Variants in OR2S2 observed in about 807,000 individuals in gnomAD.
OR2S2 encodes olfactory receptor family 2 subfamily S member 2, also known as olfactory receptor 2S2.
For synonymous variants in OR2S2, 153 were observed against 159.3 expected, an observed-to-expected ratio of 0.96 and a Z score of 0.30; for missense variants, 365 against 389.5, an observed-to-expected ratio of 0.94 and a Z score of 0.53.
rs150652487 is a variant in OR2S2, at chr9:35,957,291, C to T, written c.808G>A (p.Gly270Arg). 322 of 1,614,108 alleles carry T rather than the reference C, an allele frequency of 2.0e-4. No homozygotes were observed. In the African/African-American group the frequency reaches 2.9e-3, roughly 14 times the overall value. ...YGKPKSKDSM[G>R]ADKEDLSDKL... is the part of the protein sequence containing the mutation. ...TCTGAAAGATCCTCTTTGTCTGCTC[C>T]CATGGAGTCCTTAGACTTAGGCTTC... The change falls in exon 1 of 1, where the codon GGA (glycine) becomes AGA (arginine). Residue 270 changes from glycine (G) to arginine (R), a missense_variant. Physicochemically the swap from Gly to Arg is moderately radical, Grantham distance 125. Coordinates refer to ENST00000341959, the MANE Select transcript of OR2S2 (RefSeq NM_019897.2).
At position 35,957,480 on chromosome 9, in the gene OR2S2, A is replaced by C. The variant is rs1833569061; in HGVS notation, c.619T>G (p.Phe207Val). The C allele has an allele frequency of 6.2e-7, 1 of 1,614,202 alleles. No homozygotes were observed. Among genetic ancestry groups the C allele is most frequent in the Non-Finnish European group, 8.5e-7 (1 of 1,180,030 alleles). ...ATGAACAGAACCGGGACTCCTAGGA[A>C]GATCACATTCGTCACCTCCATGCTG... ...VISMEVTNVI[F>V]LGVPVLFISF... Residue 207 changes from phenylalanine (F) to valine (V), a missense_variant, in exon 1 of 1, where the codon TTC becomes GTC. Phe to Val is a conservative substitution (Grantham distance 50). Coordinates refer to ENST00000341959, the MANE Select transcript of OR2S2 (RefSeq NM_019897.2).
rs200432883 is a variant in OR2S2 at position 35,957,720 on chromosome 9, T to C, written c.379A>G (p.Ile127Val). 3.8e-5 allele frequency: 62 copies of C among 1,614,100 alleles called. No individual in the cohort carries two copies. The Admixed American group carries it at 5.5e-4, about 14-fold the overall frequency. The change falls in exon 1 of 1, where the codon ATC becomes GTC. Residue 127 changes from isoleucine (I) to valine (V), a missense_variant. Coordinates refer to ENST00000341959, the MANE Select transcript of OR2S2 (RefSeq NM_019897.2). ...SMMAFDRYVAICNPLRYSVIM... is the reference protein window; with the variant it reads ...SMMAFDRYVAVCNPLRYSVIM... ...ACGGAGTACCTAAGGGGGTTGCAGA[T>C]GGCCACATAGCGATCAAATGCCATC...
In OR2S2 at chr9:35,957,146, G is replaced by A. The variant is rs1182203972; in HGVS notation, c.953C>T (p.Thr318Ile). ...VRRLLRPKGF[T>I]Q ...CAGAGGACCCTTCCACCATCACTGA[G>A]TGAAGCCTTTTGGTCTCAGCAGTCT... Residue 318 changes from threonine (T) to isoleucine (I), a missense_variant, in exon 1 of 1, where the codon ACT becomes ATT. By Grantham distance (89) the Thr-to-Ile change is moderately conservative. Coordinates refer to ENST00000341959, the MANE Select transcript of OR2S2 (RefSeq NM_019897.2). 1 of 1,589,618 alleles carries A rather than the reference G, an allele frequency of 6.3e-7. No individual in the cohort carries two copies. The highest frequency in any genetic ancestry group is 2.2e-5 in the East Asian group (1 of 44,528).
Position 35,957,821 on chromosome 9 carries a change from A to T in OR2S2, c.278T>A (p.Ile93Asn), listed in dbSNP as rs992408260. 1.2e-6 allele frequency: 2 copies of T among 1,614,016 alleles called. No homozygotes were observed. The highest frequency in any genetic ancestry group is 1.7e-6 in the Non-Finnish European group (2 of 1,180,022). ...LDSFLTPQET[I>N]SFSACAVQMA... is the part of the protein sequence containing the mutation. ...CTGCACAGCACAGGCTGAGAAGGAG[A>T]TGGTTTCCTGGGGAGTCAAAAAGCT... Residue 93 changes from isoleucine to asparagine, a missense_variant, in exon 1 of 1, where the codon ATC becomes AAC. Coordinates refer to ENST00000341959, the MANE Select transcript of OR2S2 (RefSeq NM_019897.2).
Position 35,957,901 on chromosome 9 carries a change from G to C in OR2S2, c.198C>G (p.Asn66Lys). The C allele has an allele frequency of 6.2e-7, 1 of 1,614,112 alleles. No individual in the cohort carries two copies. The highest frequency in any genetic ancestry group is 8.5e-7 in the Non-Finnish European group (1 of 1,179,960). Reference sequence around the variant, plus strand: ...TGAAGCAGATGTCCAGGAAGGAGAGGTTCCCTAGGAAGAAGTACATGGGCG... The same window carrying C: ...TGAAGCAGATGTCCAGGAAGGAGAGCTTCCCTAGGAAGAAGTACATGGGCG... The part of the protein sequence containing the change: ...LHTPMYFFLG[N>K]LSFLDICFTT... The change falls in exon 1 of 1, where the codon AAC (asparagine) becomes AAG (lysine). Residue 66 changes from asparagine to lysine, a missense_variant. Transcript: ENST00000341959.
In OR2S2 at chr9:35,957,214, G is replaced by GCTTTCT; in HGVS notation, c.884_885insAGAAAG (p.Ile295_Ile296insGluSer). ...CATCCTTGTTCCTCAGGCTATAGATGATGGGGTTGAGCATCGGGGTCACCA... is the reference window on the plus strand; with the variant it reads ...CATCCTTGTTCCTCAGGCTATAGATGCTTTCTATGGGGTTGAGCATCGGGGTCACCA... On this transcript the variant is annotated inframe_insertion, in exon 1 of 1. Coordinates refer to ENST00000341959, the MANE Select transcript of OR2S2 (RefSeq NM_019897.2). The GCTTTCT allele has an allele frequency of 6.2e-7, 1 of 1,614,162 alleles. No homozygotes were observed. The highest frequency in any genetic ancestry group is 8.5e-7 in the Non-Finnish European group (1 of 1,180,010).
Position 35,957,396 on chromosome 9 carries a change from TC to T in OR2S2, c.702del (p.Arg235GlyfsTer15). The T allele has an allele frequency of 6.2e-7, 1 of 1,613,930 alleles. No individual in the cohort carries two copies. The highest frequency in any genetic ancestry group is 1.3e-5 in the African/African-American group (1 of 74,970). On this transcript the variant is annotated frameshift_variant, in exon 1 of 1. Transcript: ENST00000341959. ...GAGCAGGTGGAGAAGACCTTTTTCC[TC>T]CCCTCAGCTGAGGGGATCCTCAGGA... ...TTILRIPSAE[G>X]RKKVFSTCSA...
chr9:35,957,882 A>G lies in OR2S2; in HGVS notation c.217T>C (p.Cys73Arg). Residue 73 changes from cysteine to arginine, a missense_variant, in exon 1 of 1, where the codon TGC becomes CGC. Cys to Arg is a radical substitution (Grantham distance 180). Transcript: ENST00000341959. ...FLGNLSFLDICFTTSSVPLVL... is the reference protein window; with the variant it reads ...FLGNLSFLDIRFTTSSVPLVL... ...AGTGGGACTGAGGAGGTAGTGAAGC[A>G]GATGTCCAGGAAGGAGAGGTTCCCT... 2.5e-6 allele frequency: 4 copies of G among 1,614,214 alleles called. No individual in the cohort carries two copies. The highest frequency in any genetic ancestry group is 3.4e-6 in the Non-Finnish European group (4 of 1,180,024).
Position 35,957,407 on chromosome 9 carries a change from G to A in OR2S2, c.692C>T (p.Ser231Leu), listed in dbSNP as rs756948023. Reference sequence around the variant, plus strand: ...GAAGACCTTTTTCCTCCCCTCAGCTGAGGGGATCCTCAGGATGGTGGTGAT... The same window carrying A: ...GAAGACCTTTTTCCTCCCCTCAGCTAAGGGGATCCTCAGGATGGTGGTGAT... Reference protein sequence around the residue: ...FIITTILRIPSAEGRKKVFST... With the variant: ...FIITTILRIPLAEGRKKVFST... The change falls in exon 1 of 1, where the codon TCA (serine) becomes TTA (leucine). Residue 231 changes from serine (S) to leucine (L), a missense_variant. Physicochemically the swap from Ser to Leu is moderately radical, Grantham distance 145. Coordinates refer to ENST00000341959, the MANE Select transcript of OR2S2 (RefSeq NM_019897.2). The A allele has an allele frequency of 1.9e-6, 3 of 1,614,136 alleles. No homozygotes were observed. The highest frequency in any genetic ancestry group is 1.1e-5 in the South Asian group (1 of 91,086).
rs780289607 is a variant in OR2S2 at position 35,957,184 on chromosome 9, C to G, written c.915G>C (p.Lys305Asn). The G allele has an allele frequency of 3.1e-6, 5 of 1,613,312 alleles. No individual in the cohort carries two copies. In the South Asian group the frequency reaches 4.4e-5, roughly 14 times the overall value. ...GTCTCAGCAGTCTCCTCACAGCAGC[C>G]TTCACATCCTTGTTCCTCAGGCTAT... ...IIYSLRNKDV[K>N]AAVRRLLRPK... Residue 305 changes from lysine to asparagine, a missense_variant, in exon 1 of 1, where the codon AAG (lysine) becomes AAC (asparagine). Physicochemically the swap from Lys to Asn is moderately conservative, Grantham distance 94. Coordinates refer to ENST00000341959, the MANE Select transcript of OR2S2 (RefSeq NM_019897.2).
rs1473652453 is a variant in OR2S2 at position 35,957,477 on chromosome 9, G to A, written c.622C>T (p.Leu208=). 1.2e-6 allele frequency: 2 copies of A among 1,613,990 alleles called. No homozygotes were observed. The highest frequency in any genetic ancestry group is 2.2e-5 in the South Asian group (2 of 91,078). ...GAGATGAACAGAACCGGGACTCCTAGGAAGATCACATTCGTCACCTCCATG... is the reference window on the plus strand; with the variant it reads ...GAGATGAACAGAACCGGGACTCCTAAGAAGATCACATTCGTCACCTCCATG... ...ISMEVTNVIF[L]GVPVLFISFS... The change falls in exon 1 of 1, where the codon CTA becomes TTA. Residue 208 remains leucine (L), a synonymous_variant. Transcript: ENST00000341959.
Position 35,957,532 on chromosome 9 carries a change from G to A in OR2S2, c.567C>T (p.Ala189=). The change falls in exon 1 of 1, where the codon GCC becomes GCT. Residue 189 remains alanine, a synonymous_variant. Coordinates refer to ENST00000341959, the MANE Select transcript of OR2S2 (RefSeq NM_019897.2). ...TCEILAVLKL[A]CADISINVIS... ...TCACATTGATGGAAATGTCAGCACA[G>A]GCCAACTTTAGAACAGCCAGAATCT... 6.2e-7 allele frequency: 1 copy of A among 1,614,190 alleles called. No individual in the cohort carries two copies. The highest frequency in any genetic ancestry group is 8.5e-7 in the Non-Finnish European group (1 of 1,180,044).
In OR2S2 at chr9:35,957,824, G is replaced by T. The variant is rs1374913042; in HGVS notation, c.275C>A (p.Thr92Asn). ...CACAGCACAGGCTGAGAAGGAGATG[G>T]TTTCCTGGGGAGTCAAAAAGCTGTC... Reference protein sequence around the residue: ...VLDSFLTPQETISFSACAVQM... With the variant: ...VLDSFLTPQENISFSACAVQM... Residue 92 changes from threonine to asparagine, a missense_variant, in exon 1 of 1, where the codon ACC becomes AAC. Physicochemically the swap from Thr to Asn is moderately conservative, Grantham distance 65 (BLOSUM62 0). Coordinates refer to ENST00000341959, the MANE Select transcript of OR2S2 (RefSeq NM_019897.2). 3 of 1,614,214 alleles carry T rather than the reference G, an allele frequency of 1.9e-6. No homozygotes were observed. In the East Asian group the frequency reaches 6.7e-5, roughly 36 times the overall value.
At position 35,958,113 on chromosome 9, in the gene OR2S2, G is replaced by A; in HGVS notation, c.-15C>T. On this transcript the variant is annotated 5_prime_UTR_variant, in exon 1 of 1. Coordinates refer to ENST00000341959, the MANE Select transcript of OR2S2 (RefSeq NM_019897.2). Reference sequence around the variant, plus strand: ...GCTTTTTCCATGTGATATCCCCTCTGCCATCAGCAAAGTACTGAGCAGCGC... The same window carrying A: ...GCTTTTTCCATGTGATATCCCCTCTACCATCAGCAAAGTACTGAGCAGCGC... 6.2e-7 allele frequency: 1 copy of A among 1,605,888 alleles called. No homozygotes were observed. Among genetic ancestry groups the A allele is most frequent in the Non-Finnish European group, 8.5e-7 (1 of 1,176,014 alleles).
chr9:35,957,447 A>G lies in OR2S2; in HGVS notation c.652T>C (p.Ser218Pro). 1.9e-6 allele frequency: 3 copies of G among 1,614,124 alleles called. No individual in the cohort carries two copies. The highest frequency in any genetic ancestry group is 2.5e-6 in the Non-Finnish European group (3 of 1,180,024). ...LGVPVLFISF[S>P]YVFIITTILR... The stretch of plus-strand genomic sequence containing the variant: ...ATGGTGGTGATGATGAAGACATAGG[A>G]GAAAGAGATGAACAGAACCGGGACT... The change falls in exon 1 of 1, where the codon TCC becomes CCC. Residue 218 changes from serine to proline, a missense_variant. Transcript: ENST00000341959.
Position 35,958,000 on chromosome 9 carries a change from C to T in OR2S2, c.99G>A (p.Leu33=). The T allele has an allele frequency of 1.9e-6, 3 of 1,614,122 alleles. No individual in the cohort carries two copies. The highest frequency in any genetic ancestry group is 1.7e-6 in the Non-Finnish European group (2 of 1,180,016). The change falls in exon 1 of 1, where the codon CTG becomes CTA. Residue 33 remains leucine, a synonymous_variant. Transcript: ENST00000341959. The part of the protein sequence containing the change: ...ELEKTFFVLI[L]LMYLVILLGN... ...CCAGCAGGATCACGAGGTACATCAG[C>T]AGGATGAGCACGAAGAATGTCTTTT... is the stretch of plus-strand genomic sequence containing the variant.
Position 35,958,048 on chromosome 9 carries a change from C to A in OR2S2, c.51G>T (p.Arg17Ser). ...TSPVMGFVLL[R>S]LSAHPELEKT... ...TTTCCAGCTCTGGGTGGGCAGAGAG[C>A]CTCAGGAGAACGAACCCCATCACAG... The change falls in exon 1 of 1, where the codon AGG becomes AGT. Residue 17 changes from arginine (R) to serine (S), a missense_variant. Physicochemically the swap from Arg to Ser is moderately radical, Grantham distance 110 (BLOSUM62 -1). Transcript: ENST00000341959. 2 of 1,614,098 alleles carry A rather than the reference C, an allele frequency of 1.2e-6. No individual in the cohort carries two copies. Among genetic ancestry groups the A allele is most frequent in the Non-Finnish European group, 1.7e-6 (2 of 1,179,982 alleles).
rs773791884 is a variant in OR2S2, at chr9:35,957,988, G to A, written c.111C>T (p.Leu37=). ...GGACCCCATTGCCCAGCAGGATCAC[G>A]AGGTACATCAGCAGGATGAGCACGA... The part of the protein sequence containing the change: ...TFFVLILLMY[L]VILLGNGVLI... The change falls in exon 1 of 1, where the codon CTC becomes CTT. Residue 37 remains leucine, a synonymous_variant. Coordinates refer to ENST00000341959, the MANE Select transcript of OR2S2 (RefSeq NM_019897.2). 8 of 1,614,206 alleles carry A rather than the reference G, an allele frequency of 5.0e-6. No homozygotes were observed. The highest frequency in any genetic ancestry group is 2.7e-5 in the African/African-American group (2 of 75,044).
In OR2S2 at chr9:35,957,644, A is replaced by G; in HGVS notation, c.455T>C (p.Ile152Thr). ...GTGTACCACGGAAGCAGCACCACCAATAGCCCAGGAGCTGGCAGCCATGGG... is the reference window on the plus strand; with the variant it reads ...GTGTACCACGGAAGCAGCACCACCAGTAGCCCAGGAGCTGGCAGCCATGGG... Reference protein sequence around the residue: ...YMPMAASSWAIGGAASVVHTS... With the variant: ...YMPMAASSWATGGAASVVHTS... The change falls in exon 1 of 1, where the codon ATT (isoleucine) becomes ACT (threonine). Residue 152 changes from isoleucine to threonine, a missense_variant. Transcript: ENST00000341959. 1 of 1,614,242 alleles carries G rather than the reference A, an allele frequency of 6.2e-7. No individual in the cohort carries two copies. Among genetic ancestry groups the G allele is most frequent in the Non-Finnish European group, 8.5e-7 (1 of 1,180,038 alleles).
Sources: allele counts gnomAD v4.1 joint callset, GRCh38; gene constraint gnomAD v4.1.1; transcripts MANE v1.5; gene names NCBI Gene and HGNC (gene_info 2026-07-23, HGNC 2026-07-21).